PF4: variants seen among roughly 807,000 people sequenced by gnomAD.
The protein encoded by PF4 is C-X-C motif chemokine 4.
Under a neutral mutation model 6.9 loss-of-function variants are expected in PF4, and 8 were observed. The ratio of observed to expected loss-of-function variants is 1.16; its 90% CI spans 0.68 to 2.09. The LOEUF (loss-of-function observed/expected upper bound fraction) is 2.09, where lower values mean the gene tolerates loss of function less well. Ranked by LOEUF, PF4 falls within the 30% of genes most tolerant of loss-of-function variation. PF4 has a pLI of 0.00. For missense variants in PF4, 111 were observed against 122.9 expected, an observed-to-expected ratio of 0.90 and a Z score of 0.46; for synonymous variants, 55 against 56.5, an observed-to-expected ratio of 0.97 and a Z score of 0.12.
At chr4:73,981,798 G>A (rs1001315339) in intron 1 of PF4, 65 bp downstream of exon 1, 36 of 1,534,290 alleles carry the variant, frequency 2.3e-5, no homozygotes, top group South Asian at 2.4e-5. Context: ...TTCCTCCCCA[G>A]CCCCAGGGCT....
Position 73,981,294 on chromosome 4 carries a change from G to A in PF4, c.219-3C>T, listed in dbSNP as rs1281430050. On this transcript the variant is annotated splice_region_variant and splice_polypyrimidine_tract_variant and intron_variant, in intron 2 of 2. Coordinates refer to ENST00000296029, the MANE Select transcript of PF4 (RefSeq NM_002619.4). ...TCCTTCCATTCTTCAGCGTGGCTCTGGCAGGGAAAAGAGAAGAGATGTGAC... is the reference window on the plus strand; with the variant it reads ...TCCTTCCATTCTTCAGCGTGGCTCTAGCAGGGAAAAGAGAAGAGATGTGAC... 1 of 1,614,164 alleles carries A rather than the reference G, an allele frequency of 6.2e-7. No homozygotes were observed. The highest frequency in any genetic ancestry group is 1.1e-5 in the South Asian group (1 of 91,076).
rs915500046 is a variant in PF4 at position 73,981,875 on chromosome 4, C to G, written c.79G>C (p.Ala27Pro). 10 of 1,551,152 alleles carry G rather than the reference C, an allele frequency of 6.4e-6. No homozygotes were observed. Among genetic ancestry groups the G allele is most frequent in the Non-Finnish European group, 7.8e-6 (9 of 1,146,918 alleles). The change falls in exon 1 of 3, where the codon GCC becomes CCC. Residue 27 changes from alanine (A) to proline (P), a missense_variant. Coordinates refer to ENST00000296029, the MANE Select transcript of PF4 (RefSeq NM_002619.4). Reference protein sequence around the residue: ...LGLLLLPLVVAFASAEAEEDG... With the variant: ...LGLLLLPLVVPFASAEAEEDG... ...CTTCTGCTCTCACCGCTGGCGAAGG[C>G]GACCACAAGTGGCAGGAGCAGCAAC... is the stretch of plus-strand genomic sequence containing the variant.
In PF4 at chr4:73,981,917, CG is replaced by C. The variant is rs1560544407; in HGVS notation, c.36del (p.Leu14CysfsTer31). The C allele has an allele frequency of 1.2e-5, 18 of 1,551,114 alleles. No individual in the cohort carries two copies. Among genetic ancestry groups the C allele is most frequent in the Non-Finnish European group, 1.6e-5 (18 of 1,146,876 alleles). On this transcript the variant is annotated frameshift_variant, in exon 1 of 3. Transcript: ENST00000296029. LOFTEE classifies it high-confidence loss of function. ...AGCAGCAACCCCAGGAACAGCAGCC[CG>C]GGGCGTGAGGCGCAGAACCCGGCTG... ...SSAAGFCASR[P>X]GLLFLGLLLL...
At position 73,981,939 on chromosome 4, in the gene PF4, G is replaced by A. The variant is rs1229290875; in HGVS notation, c.15C>T (p.Ala5=). 1 of 1,550,912 alleles carries A rather than the reference G, an allele frequency of 6.4e-7. No homozygotes were observed. The highest frequency in any genetic ancestry group is 8.7e-7 in the Non-Finnish European group (1 of 1,146,814). MSSA[A]GFCASRPGLL... is the part of the protein sequence containing the mutation. Reference sequence around the variant, plus strand: ...GCCCGGGGCGTGAGGCGCAGAACCCGGCTGCGGAGCTCATGCTGCGGCAGA... The same window carrying A: ...GCCCGGGGCGTGAGGCGCAGAACCCAGCTGCGGAGCTCATGCTGCGGCAGA... Residue 5 remains alanine (A), a synonymous_variant, in exon 1 of 3, where the codon GCC becomes GCT. Coordinates refer to ENST00000296029, the MANE Select transcript of PF4 (RefSeq NM_002619.4).
chr4:73,981,661 A>G, intron 1 of PF4, 118 bp from the exon 2 acceptor site: 1 of 1,486,426 alleles, frequency 6.7e-7, no homozygotes, highest in East Asian at 2.5e-5. Context: ...TCCTTACCAT[A>G]AATCACACCT....
Position 73,981,441 on chromosome 4 carries a change from G to A in PF4, c.194C>T (p.Pro65Leu), listed in dbSNP as rs374382692. The A allele has an allele frequency of 1.5e-5, 25 of 1,614,082 alleles. No homozygotes were observed. The highest frequency in any genetic ancestry group is 1.9e-5 in the Non-Finnish European group (22 of 1,180,046). Residue 65 changes from proline to leucine, a missense_variant, in exon 2 of 3, where the codon CCC (proline) becomes CTC (leucine). Pro to Leu is a moderately conservative substitution (Grantham distance 98, BLOSUM62 -3). Coordinates refer to ENST00000296029, the MANE Select transcript of PF4 (RefSeq NM_002619.4). ...CATCAGTTGGGCAGTGGGGCAGTGG[G>A]GTCCGGCCTTGATCACCTCCAGGCT... ...ITSLEVIKAG[P>L]HCPTAQLIAT...
In PF4 at chr4:73,980,950, C is replaced by G. The variant is rs1161155303; in HGVS notation, c.*254G>C. ...GCCAACATGTAACACCAAGCATAAC[C>G]AGTATTCACACCTTCCTTCAAAATA... On this transcript the variant is annotated 3_prime_UTR_variant, in exon 3 of 3. Transcript: ENST00000296029. The G allele has an allele frequency of 1.7e-5, 8 of 474,100 alleles. 1 individual carries two copies. The Admixed American group carries it at 2.8e-4, about 17-fold the overall frequency. 29.4% of individuals were successfully genotyped at this position (474,100 alleles called of 1,614,324 possible). A position where few individuals can be genotyped will look rare whatever the true frequency, so the allele number is the denominator to read the frequency against.
chr4:73,981,358 A>G, intron 2 of PF4, 59 bp downstream of exon 2: 1 of 1,613,410 alleles, frequency 6.2e-7, no homozygotes. Context: ...TAGAAGGGGG[A>G]GGGTTGGGCA....
chr4:73,981,829 C>T (rs1718805930), intron 1 of PF4, 34 bp downstream of exon 1: 4 of 1,548,868 alleles, frequency 2.6e-6, no homozygotes, highest in African/African-American at 2.7e-5. Flanking sequence ...CCCCTCGCCG[C>T]TGCCAGCCCT....
In PF4 at chr4:73,981,072, A is replaced by G; in HGVS notation, c.*132T>C. ...TATTAAGAAGTATTTTGACTATACT[A>G]CAACTTGATTTATTTTGTTTATTTA... On this transcript the variant is annotated 3_prime_UTR_variant, in exon 3 of 3. Transcript: ENST00000296029. 1.4e-6 allele frequency: 1 copy of G among 697,678 alleles called. No homozygotes were observed. The highest frequency in any genetic ancestry group is 2.4e-6 in the Non-Finnish European group (1 of 416,336). The allele number at this position is 697,678 out of a possible 1,614,324, so 43.2% of individuals were successfully genotyped here.
In PF4 at chr4:73,981,850, C is replaced by T. The variant is rs1308320118; in HGVS notation, c.91+13G>A. ...GCCGCTGCCAGCCCTCACAGCCTGG[C>T]TTCTGCTCTCACCGCTGGCGAAGGC... On this transcript the variant is annotated intron_variant, in intron 1 of 2. Coordinates refer to ENST00000296029, the MANE Select transcript of PF4 (RefSeq NM_002619.4). 2.6e-6 allele frequency: 4 copies of T among 1,550,966 alleles called. No individual in the cohort carries two copies. The East Asian group carries it at 9.8e-5, about 38-fold the overall frequency.
chr4:73,981,512 G>T lies in PF4; in HGVS notation c.123C>A (p.Cys41Ter). The T allele has an allele frequency of 6.2e-7, 1 of 1,613,972 alleles. No individual in the cohort carries two copies. Among genetic ancestry groups the T allele is most frequent in the Non-Finnish European group, 8.5e-7 (1 of 1,179,934 alleles). Reference sequence around the variant, plus strand: ...CCTGGGAGGTGGTCTTCACACACAGGCACTGCAGGTCCCCATCTTCTTCAG... The same window carrying T: ...CCTGGGAGGTGGTCTTCACACACAGTCACTGCAGGTCCCCATCTTCTTCAG... ...AEAEEDGDLQ[C>*]LCVKTTSQVR... The change falls in exon 2 of 3, where the codon TGC (cysteine) becomes TGA (stop). Residue 41 changes from cysteine to a stop codon, truncating the protein, a stop_gained. Coordinates refer to ENST00000296029, the MANE Select transcript of PF4 (RefSeq NM_002619.4). LOFTEE classifies it high-confidence loss of function.
rs749785500 is a variant in PF4, at chr4:73,981,864, G to T, written c.90C>A (p.Ser30Arg). Residue 30 changes from serine to arginine, a missense_variant and splice_region_variant, in exon 1 of 3, where the codon AGC (serine) becomes AGA (arginine). Physicochemically the swap from Ser to Arg is moderately radical, Grantham distance 110. Coordinates refer to ENST00000296029, the MANE Select transcript of PF4 (RefSeq NM_002619.4). ...LLLPLVVAFA[S>R]AEAEEDGDLQ... ...TCACAGCCTGGCTTCTGCTCTCACC[G>T]CTGGCGAAGGCGACCACAAGTGGCA... The T allele has an allele frequency of 1.4e-5, 22 of 1,551,086 alleles. No homozygotes were observed. In the South Asian group the frequency reaches 2.0e-4, roughly 14 times the overall value.
At chr4:73,981,740 C>A in intron 1 of PF4, 123 bp downstream of exon 1, 1 of 1,477,348 alleles carries the variant, frequency 6.8e-7, no homozygotes, top group Admixed American at 2.4e-5. Context: ...TGGCCAGACA[C>A]TCAGCAGGCT....
intron 1 of PF4, 145 bp downstream of exon 1, chr4:73,981,718 C>A (rs1004622840): frequency 6.1e-6 from 9 of 1,471,602 alleles, no homozygotes; most frequent in Non-Finnish European, 8.1e-6. Flanking sequence ...GCAGGTGCAG[C>A]GCCTGGCACT....
Position 73,981,971 on chromosome 4 carries a change from A to G in PF4, c.-18T>C. 6.5e-7 allele frequency: 1 copy of G among 1,549,138 alleles called. No individual in the cohort carries two copies. Among genetic ancestry groups the G allele is most frequent in the Non-Finnish European group, 8.7e-7 (1 of 1,145,218 alleles). On this transcript the variant is annotated 5_prime_UTR_variant, in exon 1 of 3. Transcript: ENST00000296029. ...GAGCTCATGCTGCGGCAGAGCTTCC[A>G]GCAGGATCTCAGTGCTCAGTGCGAT...
In PF4 at chr4:73,981,200, G is replaced by T. The variant is rs1434220319; in HGVS notation, c.*4C>A. ...GCAAATGCACACACGTAGGCAGCTA[G>T]TAGCTAACTCTCCAAAAGTTTCTTA... is the stretch of plus-strand genomic sequence containing the variant. On this transcript the variant is annotated 3_prime_UTR_variant, in exon 3 of 3. Transcript: ENST00000296029. 11 of 1,608,404 alleles carry T rather than the reference G, an allele frequency of 6.8e-6. No individual in the cohort carries two copies. The highest frequency in any genetic ancestry group is 9.4e-6 in the Non-Finnish European group (11 of 1,174,838).
chr4:73,982,048 A>C, upstream of PF4: 1 of 1,018,674 alleles, frequency 9.8e-7, no homozygotes, highest in Non-Finnish European at 1.5e-6. Flanking sequence ...CCTCGCCGGC[A>C]CGTTTTATTC....
In PF4 at chr4:73,981,272, T is replaced by G; in HGVS notation, c.238A>C (p.Arg80=). The part of the protein sequence containing the change: ...AQLIATLKNG[R]KICLDLQAPL... The stretch of plus-strand genomic sequence containing the variant: ...GCTTGCAGGTCCAAGCAAATTTTCC[T>G]TCCATTCTTCAGCGTGGCTCTGGCA... Residue 80 remains arginine, a synonymous_variant, in exon 3 of 3, where the codon AGG becomes CGG. Coordinates refer to ENST00000296029, the MANE Select transcript of PF4 (RefSeq NM_002619.4). The G allele has an allele frequency of 6.2e-7, 1 of 1,614,250 alleles. No homozygotes were observed. The highest frequency in any genetic ancestry group is 1.3e-5 in the African/African-American group (1 of 75,072).
Sources: gnomAD v4.1 joint callset for allele counts on GRCh38, gnomAD v4.1.1 for gene constraint, MANE v1.5 for transcripts, NCBI Gene and HGNC (gene_info 2026-07-23, HGNC 2026-07-21) for gene names.